Variants in NUP85 observed in about 807,000 individuals in gnomAD.
NUP85 encodes nuclear pore complex protein Nup85.
NUP85 carries 23 observed loss-of-function variants against 92.8 expected under a neutral mutation model. The observed-to-expected ratio is 0.25, with a 90% CI of 0.18 to 0.35. NUP85 has a LOEUF of 0.35. NUP85 is among the 10% of genes least tolerant of loss of function. NUP85 has a pLI of 1.00. For synonymous variants in NUP85, 314 were observed against 306.9 expected (o/e 1.02, Z -0.24); for missense variants, 759 against 822.8 (o/e 0.92, Z 0.95).
intron 2 of NUP85, among the ~76,000 whole-genome samples, chr17:75,209,069 C>T (rs1189216611): frequency 6.6e-6 from 1 of 152,024 alleles, no homozygotes; most frequent in African/African-American, 2.4e-5. Context: ...GATGTTGAAT[C>T]CCGGAAAAAA....
intron 7 of NUP85, among the ~76,000 whole-genome samples, chr17:75,221,422 A>G (rs1431120380): frequency 1.3e-5 from 2 of 152,026 alleles, no homozygotes; most frequent in Non-Finnish European, 2.9e-5. Flanking sequence ...TACAGGCTTG[A>G]GCCACCATGC....
At chr17:75,234,984 A>G (rs1312587702) in intron 17 of NUP85, 116 bp from the exon 18 acceptor site, 23 of 1,045,670 alleles carry the variant, frequency 2.2e-5, no homozygotes, top group Non-Finnish European at 1.6e-5. Context: ...GTATTCGTAT[A>G]CAAAGCACAC....
intron 5 of NUP85, among the ~76,000 whole-genome samples, chr17:75,215,433 C>T (rs1172145742): frequency 3.9e-5 from 6 of 152,200 alleles, no homozygotes; most frequent in Non-Finnish European, 8.8e-5. Context: ...TGGTCTCAAA[C>T]TCCTAGACTC....
intron 7 of NUP85, among the ~76,000 whole-genome samples, chr17:75,221,473 C>T (rs1469962817): frequency 6.6e-6 from 1 of 151,780 alleles, no homozygotes; most frequent in Admixed American, 6.6e-5. Context: ...TGGCCTCAAG[C>T]AGTCCTGTTG....
At chr17:75,232,562 G>A (rs1162492793) in intron 14 of NUP85, among the ~76,000 whole-genome samples, 1 of 152,042 alleles carries the variant, frequency 6.6e-6, no homozygotes, top group Non-Finnish European at 1.5e-5. Context: ...AAACACGTAG[G>A]GAGAAAAAAA....
At chr17:75,212,133 G>A (rs1196469670) in intron 4 of NUP85, 71 bp downstream of exon 4, 1 of 1,039,612 alleles carries the variant, frequency 9.6e-7, no homozygotes, top group Non-Finnish European at 1.4e-6. Context: ...ATTTATCTAT[G>A]CATAAATACT....
At chr17:75,206,595 C>T (rs1248388398) in intron 1 of NUP85, among the ~76,000 whole-genome samples, 1 of 151,986 alleles carries the variant, frequency 6.6e-6, no homozygotes, top group Non-Finnish European at 1.5e-5. Flanking sequence ...TCTTGTGAGT[C>T]GGTGATTAGC....
chr17:75,230,109 TCTC>T lies in NUP85; in HGVS notation c.1095-1230_1095-1228del, dbSNP rs1265611499. On this transcript the variant is annotated intron_variant, in intron 11 of 18. Transcript: ENST00000245544. ...CTCAGGCTGGAGTGCAGTGGCACGATCTCAGCTCACTGCAGCCTCTGCCTCCTG... is the reference window on the plus strand; with the variant it reads ...CTCAGGCTGGAGTGCAGTGGCACGATAGCTCACTGCAGCCTCTGCCTCCTG... Among the ~76,000 whole-genome samples, 69 of 151,122 alleles carry T rather than the reference TCTC, an allele frequency of 4.6e-4. 1 individual carries two copies. Among genetic ancestry groups the T allele is most frequent in the African/African-American group, 1.6e-3 (66 of 41,240 alleles).
chr17:75,225,001 A>T, intron 7 of NUP85, 102 bp from the exon 8 acceptor site: 1 of 1,213,688 alleles, frequency 8.2e-7, no homozygotes. Context: ...CCTGTGTGTG[A>T]AGAGTTAAAA....
Position 75,233,757 on chromosome 17 carries a change from C to G in NUP85, c.1615+599C>G, listed in dbSNP as rs573234007. ...GGGACTACAGGCGCACGCCACCACA[C>G]CCAGCTAATTTTTTGTATTTTTAGT... On this transcript the variant is annotated intron_variant, in intron 16 of 18. Coordinates refer to ENST00000245544, the MANE Select transcript of NUP85 (RefSeq NM_024844.5). Among the ~76,000 whole-genome samples, 34 of 152,208 alleles carry G rather than the reference C, an allele frequency of 2.2e-4. No homozygotes were observed. The East Asian group carries it at 6.6e-3, about 29-fold the overall frequency.
rs2076141559 is a variant in NUP85, at chr17:75,233,108, T to C, written c.1565T>C (p.Ile522Thr). 6 of 1,614,148 alleles carry C rather than the reference T, an allele frequency of 3.7e-6. No individual in the cohort carries two copies. The highest frequency in any genetic ancestry group is 5.1e-6 in the Non-Finnish European group (6 of 1,180,036). Residue 522 changes from isoleucine to threonine, a missense_variant, in exon 16 of 19, where the codon ATT becomes ACT. Ile to Thr is a moderately conservative substitution (Grantham distance 89). Coordinates refer to ENST00000245544, the MANE Select transcript of NUP85 (RefSeq NM_024844.5). ...GGCTGCTTTTCTGATTTGGATCTCA[T>C]TGACAACCTGGGGCCAGCCATGATG... is the stretch of plus-strand genomic sequence containing the variant. ...ERGCFSDLDL[I>T]DNLGPAMMLS... is the part of the protein sequence containing the mutation.
At chr17:75,220,229 A>G (rs1338480206) in intron 7 of NUP85, among the ~76,000 whole-genome samples, 2 of 149,144 alleles carry the variant, frequency 1.3e-5, no homozygotes, top group Non-Finnish European at 3.0e-5. Context: ...GGTTCAAGTG[A>G]TTCTTCTGCC....
chr17:75,224,980 G>A (rs1205406780), intron 7 of NUP85, 123 bp from the exon 8 acceptor site: 13 of 939,802 alleles, frequency 1.4e-5, no homozygotes, highest in Admixed American at 3.1e-5. Context: ...AGACTCAGGT[G>A]CAGAAAGAAG....
At chr17:75,210,351 C>T (rs749572197) in intron 3 of NUP85, among the ~76,000 whole-genome samples, 1 of 152,122 alleles carries the variant, frequency 6.6e-6, no homozygotes, top group East Asian at 1.9e-4. Context: ...ATGGTTCAGA[C>T]GTTATTTGAC....
chr17:75,228,713 CTTT>C, intron 11 of NUP85: 1 of 984,900 alleles, frequency 1.0e-6, no homozygotes, highest in Non-Finnish European at 1.2e-6. Flanking sequence ...AGGTTTCTTT[CTTT>C]TTTTTCCTTT....
At position 75,215,451 on chromosome 17, in the gene NUP85, C is replaced by T. The variant is rs117484366; in HGVS notation, c.406-303C>T. On this transcript the variant is annotated intron_variant, in intron 5 of 18. Coordinates refer to ENST00000245544, the MANE Select transcript of NUP85 (RefSeq NM_024844.5). Reference sequence around the variant, plus strand: ...TCTCAAACTCCTAGACTCAAGCATTCCACCTGCCTTGGCCTCCCAAAGTGC... The same window carrying T: ...TCTCAAACTCCTAGACTCAAGCATTTCACCTGCCTTGGCCTCCCAAAGTGC... 6.1e-3 allele frequency among the ~76,000 whole-genome samples: 930 copies of T among 152,350 alleles called. 31 individuals carry two copies. The highest frequency in any genetic ancestry group is 0.052 in the East Asian group (272 of 5,188).
At chr17:75,228,931 AACCCCTT>A in intron 11 of NUP85, 5 of 985,392 alleles carry the variant, frequency 5.1e-6, no homozygotes, top group Non-Finnish European at 4.8e-6. Context: ...CTTGACTGCT[AACCCCTT>A]AGCTGAAAGG....
intron 7 of NUP85, among the ~76,000 whole-genome samples, chr17:75,223,032 CAAA>C (rs1190240035): frequency 4.2e-5 from 2 of 48,078 alleles, no homozygotes; most frequent in Non-Finnish European, 5.2e-5. Context: ...GACTCTGTCT[CAAA>C]AAAAAAAAAA....
intron 4 of NUP85, 140 bp from the exon 5 acceptor site, chr17:75,212,936 T>C: frequency 1.2e-6 from 1 of 844,364 alleles, no homozygotes; most frequent in Non-Finnish European, 1.8e-6. Flanking sequence ...AAAAAATCCA[T>C]AATTAAAAGA....
Sources: allele counts gnomAD v4.1 joint callset (sites outside exome capture counted in the v4.1 genomes callset), GRCh38; gene constraint gnomAD v4.1.1; transcripts MANE v1.5; gene names NCBI Gene and HGNC (gene_info 2026-07-23, HGNC 2026-07-21).